Variants in ANKS1B observed in about 807,000 individuals in gnomAD.
ANKS1B encodes the protein ankyrin repeat and sterile alpha motif domain containing 1B, also known as ankyrin repeat and sterile alpha motif domain-containing protein 1B.
In ANKS1B, 36 loss-of-function variants were observed where a neutral mutation model predicts 148.3. That is an observed-to-expected ratio of 0.24 (90% confidence interval 0.19 to 0.32). The LOEUF (loss-of-function observed/expected upper bound fraction) is 0.32. ANKS1B is among the 10% of genes least tolerant of loss of function. The pLI is 1.00. For synonymous variants in ANKS1B, 542 were observed against 560.8 expected (o/e 0.97, Z 0.47); for missense variants, 1,157 against 1,542.6 (o/e 0.75, Z 4.19).
At chr12:99,310,720 G>C (rs922711024) in intron 12 of ANKS1B, among the ~76,000 whole-genome samples, 1 of 152,098 alleles carries the variant, frequency 6.6e-6, no homozygotes, top group African/African-American at 2.4e-5. Context: ...TCACCCTATA[G>C]ATCTTGGGAG....
intron 16 of ANKS1B, chr12:99,079,818 A>G (rs1258377026): frequency 1.3e-5 from 2 of 152,312 alleles, no homozygotes; most frequent in African/African-American, 2.4e-5. Flanking sequence ...TGACTGGCTG[A>G]AACTGGCTGG....
intron 1 of ANKS1B, among the ~76,000 whole-genome samples, chr12:99,868,482 T>C (rs538998186): frequency 1.1e-4 from 17 of 152,132 alleles, no homozygotes; most frequent in African/African-American, 3.6e-4. Context: ...TCCTAGGCAG[T>C]GCAATAAGAA....
chr12:99,877,795 A>G (rs189488424), intron 1 of ANKS1B, among the ~76,000 whole-genome samples: 3 of 152,302 alleles, frequency 2.0e-5, no homozygotes, highest in African/African-American at 4.8e-5. Flanking sequence ...TGCTGACCAC[A>G]CCTGTAATCC....
intron 15 of ANKS1B, among the ~76,000 whole-genome samples, chr12:99,127,968 T>TA (rs1214917935): frequency 3.9e-5 from 6 of 152,186 alleles, no homozygotes; most frequent in Admixed American, 6.5e-5. Flanking sequence ...AATTGAAAAC[T>TA]AAAAACGAAC....
At chr12:99,441,115 C>A (rs996276090) in intron 11 of ANKS1B, among the ~76,000 whole-genome samples, 4 of 151,728 alleles carry the variant, frequency 2.6e-5, no homozygotes, top group African/African-American at 9.7e-5. Flanking sequence ...GTCTTTAATA[C>A]CCATAAATCA....
intron 15 of ANKS1B, among the ~76,000 whole-genome samples, chr12:99,123,503 C>T (rs1255704017): frequency 6.6e-6 from 1 of 152,046 alleles, no homozygotes; most frequent in Non-Finnish European, 1.5e-5. Flanking sequence ...GGAGTATTGA[C>T]TCACAAGATC....
chr12:99,024,186 T>A (rs959831495), intron 17 of ANKS1B, among the ~76,000 whole-genome samples: 8 of 152,122 alleles, frequency 5.3e-5, no homozygotes, highest in African/African-American at 1.9e-4. Flanking sequence ...TTTGTTAGAA[T>A]AAGCAACAGC....
rs562458437 is a variant in ANKS1B, at chr12:98,863,921, G to A, written c.2779-31785C>T. 3.9e-5 allele frequency among the ~76,000 whole-genome samples: 6 copies of A among 152,280 alleles called. No individual in the cohort carries two copies. In the East Asian group the frequency reaches 9.6e-4, roughly 24 times the overall value. ...TTAATAGTCTGTATTACTTACACAC[G>A]CATACGTGGCAACAGATTTACCTTA... On this transcript the variant is annotated intron_variant, in intron 17 of 26. Coordinates refer to ENST00000683438, the MANE Select transcript of ANKS1B (RefSeq NM_001352186.2).
intron 8 of ANKS1B, among the ~76,000 whole-genome samples, chr12:99,755,790 T>G (rs763892593): frequency 6.6e-6 from 1 of 152,086 alleles, no homozygotes; most frequent in African/African-American, 2.4e-5. Flanking sequence ...AAAAGGCTTT[T>G]GATAAAATTC....
At chr12:99,485,096 T>C (rs998558696) in intron 10 of ANKS1B, among the ~76,000 whole-genome samples, 2 of 151,958 alleles carry the variant, frequency 1.3e-5, no homozygotes, top group Non-Finnish European at 2.9e-5. Context: ...CATTATGTCA[T>C]TGTTTTATAG....
chr12:98,800,628 G>A (rs1030463555), intron 21 of ANKS1B, among the ~76,000 whole-genome samples: 4 of 146,980 alleles, frequency 2.7e-5, no homozygotes, highest in African/African-American at 1.0e-4. Context: ...TTTACATAAA[G>A]TGGCAGACCC....
chr12:99,100,916 A>G (rs953713352), intron 15 of ANKS1B, among the ~76,000 whole-genome samples: 2 of 152,230 alleles, frequency 1.3e-5, no homozygotes, highest in African/African-American at 4.8e-5. Context: ...TTGGATCAGG[A>G]AAGACATTTT....
intron 12 of ANKS1B, among the ~76,000 whole-genome samples, chr12:99,387,565 C>T (rs578259236): frequency 2.0e-5 from 3 of 151,726 alleles, no homozygotes; most frequent in South Asian, 2.1e-4. Flanking sequence ...GCGGCCACTC[C>T]GGCCTGGGCG....
At chr12:98,955,829 T>C (rs2099861299) in intron 17 of ANKS1B, among the ~76,000 whole-genome samples, 1 of 152,224 alleles carries the variant, frequency 6.6e-6, no homozygotes, top group Non-Finnish European at 1.5e-5. Flanking sequence ...TTGACATATC[T>C]TTTAGACAAG....
intron 15 of ANKS1B, among the ~76,000 whole-genome samples, chr12:99,101,422 CTTGATTA>C (rs772049672): frequency 5.6e-4 from 86 of 152,266 alleles, no homozygotes; most frequent in Non-Finnish European, 9.6e-4. Flanking sequence ...ACTGACTGAA[CTTGATTA>C]TTGATTAAAT....
intron 10 of ANKS1B, among the ~76,000 whole-genome samples, chr12:99,477,118 T>A (rs2096337320): frequency 2.0e-5 from 3 of 152,122 alleles, no homozygotes; most frequent in African/African-American, 7.2e-5. Context: ...ATCTCAGAAG[T>A]GACATGCATT....
chr12:98,853,201 T>C (rs1595529617), intron 17 of ANKS1B, among the ~76,000 whole-genome samples: 1 of 152,118 alleles, frequency 6.6e-6, no homozygotes, highest in African/African-American at 2.4e-5. Flanking sequence ...GTTTGAGGTA[T>C]GGGGAAAGAA....
chr12:99,348,388 A>G (rs1484461898), intron 12 of ANKS1B, among the ~76,000 whole-genome samples: 1 of 151,842 alleles, frequency 6.6e-6, no homozygotes, highest in Admixed American at 6.6e-5. Context: ...AAGACAAAAA[A>G]ATAAAAAAAC....
At chr12:99,786,824 A>C (rs926307304) in intron 4 of ANKS1B, among the ~76,000 whole-genome samples, 3 of 152,240 alleles carry the variant, frequency 2.0e-5, no homozygotes, top group Non-Finnish European at 4.4e-5. Flanking sequence ...CAAATTCAAA[A>C]TTATAAATTA....
Sources: gnomAD v4.1 joint callset for allele counts (sites outside exome capture counted in the v4.1 genomes callset) on GRCh38, gnomAD v4.1.1 for gene constraint, MANE v1.5 for transcripts, NCBI Gene and HGNC (gene_info 2026-07-23, HGNC 2026-07-21) for gene names.